CFAP77: variants seen among roughly 807,000 people sequenced by gnomAD.
The protein encoded by CFAP77 is cilia- and flagella-associated protein 77.
CFAP77 carries 25 observed loss-of-function variants against 31.1 expected under a neutral mutation model. The observed-to-expected ratio is 0.80, with a 90% CI of 0.59 to 1.12. CFAP77 has a LOEUF of 1.12. CFAP77 is among the 50% of genes most tolerant of loss of function. CFAP77 has a pLI of 0.00. For missense variants in CFAP77, 377 were observed against 397.3 expected (o/e 0.95, Z 0.44); for synonymous variants, 151 against 159.9 (o/e 0.94, Z 0.42).
At chr9:132,538,812 G>T (rs971728660) in intron 4 of CFAP77, among the ~76,000 whole-genome samples, 3 of 151,548 alleles carry the variant, frequency 2.0e-5, no homozygotes. Context: ...TCCTGGCTGG[G>T]TACGGTGGCT....
At chr9:132,505,528 G>A (rs540733410) in intron 3 of CFAP77, among the ~76,000 whole-genome samples, 70 of 152,216 alleles carry the variant, frequency 4.6e-4, no homozygotes, top group African/African-American at 1.5e-3. Flanking sequence ...TGTAGACATA[G>A]GGTCAGTCCT....
chr9:132,444,837 G>A (rs1191743230), intron 1 of CFAP77, among the ~76,000 whole-genome samples: 2 of 152,052 alleles, frequency 1.3e-5, no homozygotes, highest in Non-Finnish European at 2.9e-5. Flanking sequence ...ATTAGATACT[G>A]TGTCATTGTG....
chr9:132,488,176 AG>A (rs1851594573), intron 1 of CFAP77, among the ~76,000 whole-genome samples: 1 of 152,204 alleles, frequency 6.6e-6, no homozygotes, highest in Non-Finnish European at 1.5e-5. Flanking sequence ...TGTGGTTGCC[AG>A]GAAGTGGGGA....
chr9:132,437,732 C>T (rs1035612843), intron 1 of CFAP77, among the ~76,000 whole-genome samples: 1 of 151,050 alleles, frequency 6.6e-6, no homozygotes, highest in Non-Finnish European at 1.5e-5. Flanking sequence ...AGGATGGTTT[C>T]GATCTCCTGA....
chr9:132,557,253 C>T (rs987118407), intron 5 of CFAP77, among the ~76,000 whole-genome samples: 2 of 152,286 alleles, frequency 1.3e-5, no homozygotes, highest in African/African-American at 2.4e-5. Context: ...CAGCTGCCAG[C>T]GTGAGGTTCT....
intron 5 of CFAP77, among the ~76,000 whole-genome samples, chr9:132,550,100 A>G (rs1197032074): frequency 6.6e-6 from 1 of 152,204 alleles, no homozygotes; most frequent in Non-Finnish European, 1.5e-5. Context: ...TGGGGCCTGC[A>G]GAGGCCAACA....
intron 1 of CFAP77, among the ~76,000 whole-genome samples, chr9:132,465,783 C>CAATT (rs1185168538): frequency 6.6e-6 from 1 of 152,214 alleles, no homozygotes. Context: ...GCAGAACAGG[C>CAATT]AATTCTCTGC....
chr9:132,452,761 C>G (rs12003350), intron 1 of CFAP77, among the ~76,000 whole-genome samples: 2,554 of 152,124 alleles, frequency 0.017, 71 homozygotes, highest in African/African-American at 0.058. Flanking sequence ...GATGGGGTGC[C>G]TCATGCAGCA....
intron 1 of CFAP77, among the ~76,000 whole-genome samples, chr9:132,477,501 G>A (rs1402344186): frequency 1.3e-5 from 2 of 152,226 alleles, no homozygotes; most frequent in Non-Finnish European, 2.9e-5. Flanking sequence ...AAGCCAGGCA[G>A]GGGTGCAGTT....
chr9:132,521,405 G>A (rs1051917786), intron 3 of CFAP77, among the ~76,000 whole-genome samples: 2 of 152,208 alleles, frequency 1.3e-5, no homozygotes, highest in Non-Finnish European at 2.9e-5. Context: ...GAGTCACTCA[G>A]CTTCTCTACT....
At chr9:132,518,154 T>G (rs181499859) in intron 3 of CFAP77, among the ~76,000 whole-genome samples, 1 of 151,840 alleles carries the variant, frequency 6.6e-6, no homozygotes, top group Non-Finnish European at 1.5e-5. Context: ...TTCCAAACAG[T>G]AGAAACAGCA....
In CFAP77 at chr9:132,481,224, C is replaced by T. The variant is rs575586664; in HGVS notation, c.196-17471C>T. 8.8e-4 allele frequency among the ~76,000 whole-genome samples: 134 copies of T among 152,228 alleles called. No homozygotes were observed. The highest frequency in any genetic ancestry group is 4.1e-3 in the South Asian group (20 of 4,832). On this transcript the variant is annotated intron_variant, in intron 1 of 5. Coordinates refer to ENST00000393216, the MANE Select transcript of CFAP77 (RefSeq NM_001282957.2). This position sits in a 1 kb window ranked among gnomAD's most constrained non-coding sequence, Gnocchi z 5.0. ...TCTCTGGGCCCAAGACTCCCTGCCG[C>T]GCTGCTAGACGCTTCAGCCCTGTCT...
At chr9:132,570,597 T>A (rs1026111984) in intron 5 of CFAP77, among the ~76,000 whole-genome samples, 3 of 152,046 alleles carry the variant, frequency 2.0e-5, no homozygotes, top group Non-Finnish European at 4.4e-5. Flanking sequence ...TTGTGGGCAT[T>A]TTTTTTTCCC....
Position 132,410,228 on chromosome 9 carries a change from G to A in CFAP77, c.-44G>A, listed in dbSNP as rs149852725. 9.6e-4 allele frequency: 1,441 copies of A among 1,495,926 alleles called. 15 individuals are homozygous for A. The African/African-American group carries it at 0.018, about 18-fold the overall frequency. The allele number at this position is 1,495,926 out of a possible 1,614,324, so 92.7% of individuals were successfully genotyped here. On this transcript the variant is annotated 5_prime_UTR_variant, in exon 1 of 6. Transcript: ENST00000393216. ...CAGGCTGTGCCCGACGTGGGGAAGC[G>A]CGCCCAAACCAGCCCGCGGGCCGGC...
chr9:132,449,898 T>TTTGTTTGTTTG (rs1554737767), intron 1 of CFAP77, among the ~76,000 whole-genome samples: 13 of 88,874 alleles, frequency 1.5e-4, no homozygotes, highest in African/African-American at 3.0e-4. Flanking sequence ...TTAAGAGTTT[T>TTTGTTTGTTTG]TTTGTTTGTT....
At chr9:132,418,963 C>T (rs1850160954) in intron 1 of CFAP77, among the ~76,000 whole-genome samples, 1 of 152,192 alleles carries the variant, frequency 6.6e-6, no homozygotes, top group Non-Finnish European at 1.5e-5. Flanking sequence ...CTAAATACAG[C>T]ATTTCAGGGA....
chr9:132,492,047 G>C (rs1851661212), intron 1 of CFAP77, among the ~76,000 whole-genome samples: 1 of 152,186 alleles, frequency 6.6e-6, no homozygotes, highest in South Asian at 2.1e-4. Context: ...CAGCACTTTG[G>C]GAGGCCAAGG....
chr9:132,436,477 A>G (rs761879307), intron 1 of CFAP77, among the ~76,000 whole-genome samples: 3 of 152,230 alleles, frequency 2.0e-5, no homozygotes, highest in Non-Finnish European at 4.4e-5. Flanking sequence ...TTTGCAACCC[A>G]CTATAGTAGG....
At chr9:132,468,092 C>G (rs1258286049) in intron 1 of CFAP77, among the ~76,000 whole-genome samples, 1 of 152,094 alleles carries the variant, frequency 6.6e-6, no homozygotes, top group Non-Finnish European at 1.5e-5. Flanking sequence ...CCTGTAATCT[C>G]AGCACTTTGG....
Sources: gnomAD v4.1 joint callset for allele counts (sites outside exome capture counted in the v4.1 genomes callset) on GRCh38, gnomAD v4.1.1 for gene constraint, Gnocchi (gnomAD v3.1) non-coding constraint, MANE v1.5 for transcripts, NCBI Gene and HGNC (gene_info 2026-07-23, HGNC 2026-07-21) for gene names.